Variants in AKAP13 observed in about 807,000 individuals in gnomAD.
AKAP13 encodes A-kinase anchoring protein 13.
Under a neutral mutation model 264.5 loss-of-function variants are expected in AKAP13, and 80 were observed. The observed-to-expected ratio is 0.30, with a 90% CI of 0.25 to 0.36. AKAP13 has a LOEUF of 0.36. AKAP13 is among the 10% of genes least tolerant of loss of function. The pLI is 1.00. For missense variants in AKAP13, 3,712 were observed against 3,435.2 expected, an observed-to-expected ratio of 1.08 and a Z score of -2.01; for synonymous variants, 1,380 against 1,250.2, an observed-to-expected ratio of 1.10 and a Z score of -2.19.
chr15:85,427,488 C>A (rs557097653), intron 1 of AKAP13, among the ~76,000 whole-genome samples: 8 of 152,190 alleles, frequency 5.3e-5, no homozygotes, highest in Non-Finnish European at 1.0e-4. Flanking sequence ...TCTATCGACT[C>A]CTCTAGGCAA....
intron 1 of AKAP13, among the ~76,000 whole-genome samples, chr15:85,392,589 A>C (rs2070921211): frequency 6.6e-6 from 1 of 151,986 alleles, no homozygotes. Flanking sequence ...TTTTTTGTTA[A>C]GAAATGAGGT....
intron 14 of AKAP13, among the ~76,000 whole-genome samples, chr15:85,673,941 T>C (rs983953135): frequency 2.0e-5 from 3 of 151,912 alleles, no homozygotes; most frequent in Admixed American, 6.6e-5. Flanking sequence ...TCTGCCCACC[T>C]CGGCCTCCCA....
intron 8 of AKAP13, among the ~76,000 whole-genome samples, chr15:85,594,457 A>G (rs2151340073): frequency 6.6e-6 from 1 of 152,364 alleles, no homozygotes; most frequent in East Asian, 1.9e-4. Context: ...CTCCTTTCTA[A>G]GGAAGTTTTT....
At chr15:85,740,722 C>A (rs996068029) in intron 34 of AKAP13, among the ~76,000 whole-genome samples, 5 of 131,282 alleles carry the variant, frequency 3.8e-5, no homozygotes, top group African/African-American at 1.1e-4. Context: ...CTCCCACTTC[C>A]AACACACACA....
At chr15:85,715,594 G>A (rs1316309006) in intron 19 of AKAP13, among the ~76,000 whole-genome samples, 194 bp from the exon 20 acceptor site, 1 of 149,388 alleles carries the variant, frequency 6.7e-6, no homozygotes, top group Non-Finnish European at 1.5e-5. Context: ...TTTGTCAGAT[G>A]GGTCAGTACC....
rs1239442379 is a variant in AKAP13, at chr15:85,543,961, T to C, written c.662+6T>C. On this transcript the variant is annotated splice_donor_region_variant and intron_variant, in intron 5 of 36. Transcript: ENST00000394518. ...CTGCACCAGCTTCTAACCGAGTAAGTGCTCCTTCTGCCTTATTTCCCTCCT... is the reference window on the plus strand; with the variant it reads ...CTGCACCAGCTTCTAACCGAGTAAGCGCTCCTTCTGCCTTATTTCCCTCCT... The C allele has an allele frequency of 1.2e-6, 2 of 1,611,132 alleles. No individual in the cohort carries two copies. The highest frequency in any genetic ancestry group is 2.7e-5 in the African/African-American group (2 of 74,860).
Position 85,412,709 on chromosome 15 carries a change from A to G in AKAP13, c.-12+31911A>G, listed in dbSNP as rs556634025. 1.1e-4 allele frequency among the ~76,000 whole-genome samples: 16 copies of G among 152,370 alleles called. No individual in the cohort carries two copies. In the South Asian group the frequency reaches 2.5e-3, roughly 24 times the overall value. On this transcript the variant is annotated intron_variant, in intron 1 of 36. Coordinates refer to ENST00000394518, the MANE Select transcript of AKAP13 (RefSeq NM_007200.5). ...CAAGAACTTTCAAACCACTGATTAT[A>G]GCTTACAATGGATTGAAATAAGCTG...
chr15:85,425,616 T>C lies in AKAP13; in HGVS notation c.-12+44818T>C, dbSNP rs569610358. The stretch of plus-strand genomic sequence containing the variant: ...CTGTAATCCCATCTACTCGGGAGGC[T>C]GAGGCAGGAGAATCACTTGAACCCA... On this transcript the variant is annotated intron_variant, in intron 1 of 36. Coordinates refer to ENST00000394518, the MANE Select transcript of AKAP13 (RefSeq NM_007200.5). 3.3e-5 allele frequency among the ~76,000 whole-genome samples: 5 copies of C among 151,010 alleles called. No homozygotes were observed. In the East Asian group the frequency reaches 7.8e-4, roughly 24 times the overall value.
intron 36 of AKAP13, chr15:85,744,257 C>T (rs553608288): frequency 2.7e-5 from 8 of 298,992 alleles, no homozygotes; most frequent in East Asian, 1.9e-4. Flanking sequence ...AATGTGCCAG[C>T]GGCCACAGAG....
At chr15:85,471,222 G>A (rs11636276) in intron 1 of AKAP13, among the ~76,000 whole-genome samples, 93 of 152,276 alleles carry the variant, frequency 6.1e-4, no homozygotes, top group Non-Finnish European at 1.2e-3. Flanking sequence ...TTGGCTGGGC[G>A]CGGTGGCTCA....
chr15:85,421,135 A>G (rs1330983990), intron 1 of AKAP13, among the ~76,000 whole-genome samples: 2 of 152,264 alleles, frequency 1.3e-5, no homozygotes, highest in Non-Finnish European at 2.9e-5. Context: ...GTCTCAGAGA[A>G]AACAAGCAAC....
At position 85,437,499 on chromosome 15, in the gene AKAP13, C is replaced by T. The variant is rs199579095; in HGVS notation, c.-11-48211C>T. ...GCCAGCATCATTCTGATACCAAAGC[C>T]GGGCAGAGACACAACCAAAAAAGAG... On this transcript the variant is annotated intron_variant, in intron 1 of 36. Transcript: ENST00000394518. 1.2e-3 allele frequency among the ~76,000 whole-genome samples: 177 copies of T among 150,966 alleles called. 1 individual carries two copies. In the East Asian group the frequency reaches 0.029, roughly 25 times the overall value.
At chr15:85,528,354 A>G (rs932002334) in intron 3 of AKAP13, among the ~76,000 whole-genome samples, 4 of 152,154 alleles carry the variant, frequency 2.6e-5, no homozygotes, top group Non-Finnish European at 4.4e-5. Context: ...TTTTAGTTCT[A>G]TAGTGCCAAT....
intron 8 of AKAP13, among the ~76,000 whole-genome samples, chr15:85,593,207 G>T (rs904036321): frequency 1.3e-5 from 2 of 152,148 alleles, no homozygotes; most frequent in Non-Finnish European, 1.5e-5. Flanking sequence ...AGCTACTTGG[G>T]AGGCTGAGGC....
chr15:85,601,131 C>T (rs2080047492), intron 8 of AKAP13, among the ~76,000 whole-genome samples: 1 of 152,140 alleles, frequency 6.6e-6, no homozygotes, highest in African/African-American at 2.4e-5. Context: ...TTAAAATGTA[C>T]ATTAATGGGC....
chr15:85,635,604 T>G (rs149863484), intron 8 of AKAP13, among the ~76,000 whole-genome samples: 1 of 152,116 alleles, frequency 6.6e-6, no homozygotes, highest in African/African-American at 2.4e-5. Flanking sequence ...TTTTAAAAAA[T>G]GTACTATTTA....
intron 8 of AKAP13, among the ~76,000 whole-genome samples, chr15:85,616,120 C>T (rs975739338): frequency 1.3e-5 from 2 of 151,818 alleles, no homozygotes; most frequent in African/African-American, 4.9e-5. Context: ...AGAAGATGAG[C>T]CCTACCCCTA....
At chr15:85,608,600 A>G (rs895051379) in intron 8 of AKAP13, among the ~76,000 whole-genome samples, 3 of 152,242 alleles carry the variant, frequency 2.0e-5, no homozygotes, top group African/African-American at 7.2e-5. Flanking sequence ...GGAGGGTTAG[A>G]GTAGGCAGAG....
intron 17 of AKAP13, among the ~76,000 whole-genome samples, chr15:85,704,865 G>A (rs2086141771): frequency 1.3e-5 from 2 of 152,112 alleles, no homozygotes; most frequent in Non-Finnish European, 2.9e-5. Context: ...TCATGACTTT[G>A]GCTGATGTCA....
Sources: gnomAD v4.1 joint callset for allele counts (sites outside exome capture counted in the v4.1 genomes callset) on GRCh38, gnomAD v4.1.1 for gene constraint, MANE v1.5 for transcripts, NCBI Gene and HGNC (gene_info 2026-07-23, HGNC 2026-07-21) for gene names.